ANXA4: variants seen among roughly 807,000 people sequenced by gnomAD.
ANXA4 encodes the protein annexin A4.
In ANXA4, 39 loss-of-function variants were observed where a neutral mutation model predicts 49.8. That is an observed-to-expected ratio of 0.78 (90% confidence interval 0.61 to 1.02). ANXA4 has a LOEUF of 1.02. ANXA4 is among the 50% of genes least tolerant of loss of function. ANXA4 has a pLI of 0.00. For missense variants in ANXA4, 360 were observed against 410.1 expected, an observed-to-expected ratio of 0.88 and a Z score of 1.05; for synonymous variants, 134 against 152.5, an observed-to-expected ratio of 0.88 and a Z score of 0.89.
chr2:69,788,127 C>T lies in ANXA4; in HGVS notation c.83C>T (p.Ala28Val), dbSNP rs1672492694. ...AMEDAQTLRKAMKGLGTDEDA... is the reference protein window; with the variant it reads ...AMEDAQTLRKVMKGLGTDEDA... ...GAAGATGCCCAGACCCTGAGGAAGG[C>T]CATGAAAGGGCTCGGTATGTGTCCT... Residue 28 changes from alanine (A) to valine (V), a missense_variant, in exon 3 of 13, where the codon GCC (alanine) becomes GTC (valine). By Grantham distance (64) the Ala-to-Val change is moderately conservative. Coordinates refer to ENST00000394295, the MANE Select transcript of ANXA4 (RefSeq NM_001153.5). The T allele has an allele frequency of 1.9e-6, 3 of 1,613,938 alleles. No homozygotes were observed. The East Asian group carries it at 6.7e-5, about 36-fold the overall frequency.
chr2:69,788,031 A>G (rs1366407676), intron 2 of ANXA4, 23 bp from the exon 3 acceptor site: 1 of 1,606,058 alleles, frequency 6.2e-7, no homozygotes. Context: ...CCTCTCAGTA[A>G]CATCACTCTC....
At chr2:69,777,488 T>G (rs1461913510) in intron 1 of ANXA4, among the ~76,000 whole-genome samples, 1 of 152,176 alleles carries the variant, frequency 6.6e-6, no homozygotes, top group African/African-American at 2.4e-5. Flanking sequence ...AAGATGCTCC[T>G]TTCACCCTTA....
At chr2:69,645,855 C>A (rs950067331) in intron 1 of ANXA4, among the ~76,000 whole-genome samples, 2 of 152,058 alleles carry the variant, frequency 1.3e-5, no homozygotes, top group African/African-American at 2.4e-5. Context: ...TCACAACCAC[C>A]CTATGAAGTA....
intron 2 of ANXA4, among the ~76,000 whole-genome samples, chr2:69,692,155 G>T (rs986022538): frequency 6.6e-6 from 1 of 152,204 alleles, no homozygotes. Flanking sequence ...AAAGTGCTGG[G>T]ATTACAGGCG....
In ANXA4 at chr2:69,806,513, T is replaced by C. The variant is rs779866723; in HGVS notation, c.306+15T>C. 7 of 1,600,280 alleles carry C rather than the reference T, an allele frequency of 4.4e-6. No homozygotes were observed. In the African/African-American group the frequency reaches 9.4e-5, roughly 21 times the overall value. On this transcript the variant is annotated intron_variant, in intron 5 of 12. Coordinates refer to ENST00000394295, the MANE Select transcript of ANXA4 (RefSeq NM_001153.5). ...GGGCCATGAAGGTCTGTGCTCTTCC[T>C]CTCGTGCTCTTGGTGCTGTTGGTGC...
upstream of ANXA4, among the ~76,000 whole-genome samples, chr2:69,740,721 C>T (rs535463309): frequency 3.2e-5 from 4 of 124,480 alleles, no homozygotes; most frequent in East Asian, 2.4e-4. Context: ...CTCACTCTGT[C>T]GCCCAGGCTG....
chr2:69,773,674 C>G (rs1671836665), intron 1 of ANXA4, among the ~76,000 whole-genome samples: 1 of 135,374 alleles, frequency 7.4e-6, no homozygotes, highest in Admixed American at 8.3e-5. Context: ...CTCTGTCACC[C>G]AGGCTAGAGT....
intron 2 of ANXA4, among the ~76,000 whole-genome samples, chr2:69,656,369 G>A (rs184431145): frequency 0.014 from 1,678 of 117,664 alleles, 241 homozygotes; most frequent in East Asian, 0.13. Context: ...ATATATATGT[G>A]TATATATGTG....
chr2:69,658,174 G>A (rs1240901788), intron 2 of ANXA4, among the ~76,000 whole-genome samples: 3 of 151,926 alleles, frequency 2.0e-5, no homozygotes, highest in Non-Finnish European at 4.4e-5. Flanking sequence ...GAGGCAGGAG[G>A]ATCACTTGAG....
At chr2:69,753,375 G>A (rs1670928184) in intron 1 of ANXA4, among the ~76,000 whole-genome samples, 1 of 152,046 alleles carries the variant, frequency 6.6e-6, no homozygotes, top group South Asian at 2.1e-4. Flanking sequence ...GAAGTCTCTG[G>A]GGCCCACCCA....
chr2:69,783,550 TATA>T (rs1672288363), intron 2 of ANXA4, among the ~76,000 whole-genome samples: 1 of 152,188 alleles, frequency 6.6e-6, no homozygotes, highest in Admixed American at 6.5e-5. Context: ...CCAAATTCTC[TATA>T]ATATTTTTTA....
chr2:69,733,654 G>A (rs1227730679), intron 3 of ANXA4, among the ~76,000 whole-genome samples: 1 of 151,568 alleles, frequency 6.6e-6, no homozygotes, highest in Non-Finnish European at 1.5e-5. Context: ...AAAATAAGGT[G>A]TTTTCTGTGA....
At chr2:69,669,568 G>A (rs952972774) in intron 2 of ANXA4, among the ~76,000 whole-genome samples, 7 of 151,070 alleles carry the variant, frequency 4.6e-5, no homozygotes, top group African/African-American at 7.3e-5. Context: ...CCGAGATCGC[G>A]CCACTGCACT....
rs755039199 is a variant in ANXA4, at chr2:69,806,382, C to A, written c.193-3C>A. 4 of 1,610,538 alleles carry A rather than the reference C, an allele frequency of 2.5e-6. No homozygotes were observed. Among genetic ancestry groups the A allele is most frequent in the Non-Finnish European group, 3.4e-6 (4 of 1,176,884 alleles). On this transcript the variant is annotated splice_polypyrimidine_tract_variant and splice_region_variant and intron_variant, in intron 4 of 12. Coordinates refer to ENST00000394295, the MANE Select transcript of ANXA4 (RefSeq NM_001153.5). ...TAAGCGGAGCTACTTTCTTGCATTG[C>A]AGGACTTGATAGACGACCTGAAGTC...
intron 1 of ANXA4, among the ~76,000 whole-genome samples, chr2:69,750,868 G>A (rs1670811449): frequency 6.6e-6 from 1 of 152,184 alleles, no homozygotes; most frequent in African/African-American, 2.4e-5. Flanking sequence ...TGATATCAAT[G>A]GCCATGGGCA....
chr2:69,703,605 A>C (rs191564042), intron 2 of ANXA4, among the ~76,000 whole-genome samples: 67 of 152,330 alleles, frequency 4.4e-4, no homozygotes, highest in African/African-American at 1.6e-3. Context: ...CTTTGATGAA[A>C]GAAGAGGAGT....
intron 2 of ANXA4, among the ~76,000 whole-genome samples, chr2:69,672,262 C>T (rs528272027): frequency 6.6e-6 from 1 of 152,170 alleles, no homozygotes; most frequent in African/African-American, 2.4e-5. Flanking sequence ...GACAGAATGT[C>T]GCTCTGTCAC....
intron 7 of ANXA4, 160 bp downstream of exon 7, chr2:69,810,833 C>G: frequency 1.6e-6 from 1 of 613,078 alleles, no homozygotes; most frequent in South Asian, 2.0e-5. Context: ...TTCAGAGACT[C>G]TGGCTAATCC....
upstream of ANXA4, among the ~76,000 whole-genome samples, chr2:69,644,165 T>TTCGCGCCC (rs1553424953): frequency 3.8e-4 from 8 of 21,116 alleles, 2 homozygotes; most frequent in African/African-American, 1.0e-3. Flanking sequence ...ACAACTAAGT[T>TTCGCGCCC]CCCCCCCCCC....
Sources: gnomAD v4.1 joint callset for allele counts (sites outside exome capture counted in the v4.1 genomes callset) on GRCh38, gnomAD v4.1.1 for gene constraint, MANE v1.5 for transcripts, NCBI Gene and HGNC (gene_info 2026-07-23, HGNC 2026-07-21) for gene names.